Variants in MIPOL1 observed in about 807,000 individuals in gnomAD.
The protein encoded by MIPOL1 is mirror-image polydactyly 1.
A neutral mutation model predicts 60.9 loss-of-function variants in MIPOL1; 57 were observed. That is an observed-to-expected ratio of 0.94 (90% confidence interval 0.76 to 1.17). MIPOL1 has a LOEUF of 1.17. MIPOL1 is among the 50% of genes most tolerant of loss of function. The probability of loss-of-function intolerance (pLI) is 0.00; values close to 1 mark genes in which losing one functional copy is unlikely to be tolerated. For synonymous variants in MIPOL1, 179 were observed against 168.8 expected, an observed-to-expected ratio of 1.06 and a Z score of -0.47; for missense variants, 551 against 511.6, an observed-to-expected ratio of 1.08 and a Z score of -0.74.
At chr14:37,496,175 C>T (rs1473877014) in intron 11 of MIPOL1, among the ~76,000 whole-genome samples, 1 of 150,906 alleles carries the variant, frequency 6.6e-6, no homozygotes, top group Non-Finnish European at 1.5e-5. Flanking sequence ...CTATCTATGA[C>T]AAACCCACAG....
chr14:37,541,729 A>AC (rs2095530487), intron 12 of MIPOL1, among the ~76,000 whole-genome samples: 1 of 152,058 alleles, frequency 6.6e-6, no homozygotes, highest in Non-Finnish European at 1.5e-5. Flanking sequence ...CTTCCTCCAC[A>AC]CCTACAGAAT....
At chr14:37,407,242 TG>T (rs562006521) in intron 10 of MIPOL1, among the ~76,000 whole-genome samples, 54 of 152,104 alleles carry the variant, frequency 3.6e-4, no homozygotes, top group Non-Finnish European at 6.6e-4. Flanking sequence ...TCAGAGAAGT[TG>T]GGAGAGTAGT....
chr14:37,542,706 T>A (rs145615842), intron 12 of MIPOL1, among the ~76,000 whole-genome samples: 64 of 152,324 alleles, frequency 4.2e-4, no homozygotes, highest in African/African-American at 1.4e-3. Context: ...TACCTGTGTT[T>A]ATGTTATAAC....
At chr14:37,523,517 G>A (rs184882151) in intron 12 of MIPOL1, 1 of 426,562 alleles carries the variant, frequency 2.3e-6, no homozygotes, top group Non-Finnish European at 4.1e-6. Context: ...AAAGATGAAA[G>A]AGAAAAATTC....
At chr14:37,339,202 C>T (rs2090402064) in intron 9 of MIPOL1, among the ~76,000 whole-genome samples, 1 of 152,114 alleles carries the variant, frequency 6.6e-6, no homozygotes, top group Non-Finnish European at 1.5e-5. Flanking sequence ...CCAATGACAA[C>T]CTGAAAAGAT....
At chr14:37,416,685 A>G (rs944423642) in intron 10 of MIPOL1, among the ~76,000 whole-genome samples, 4 of 152,172 alleles carry the variant, frequency 2.6e-5, no homozygotes, top group Admixed American at 2.0e-4. Flanking sequence ...ATGATCTATG[A>G]CAAAGAAAAA....
intron 11 of MIPOL1, among the ~76,000 whole-genome samples, chr14:37,451,887 T>G (rs1846449257): frequency 1.4e-5 from 2 of 139,654 alleles, no homozygotes; most frequent in African/African-American, 5.6e-5. Context: ...CAATCTCGGC[T>G]CACTGCAAGC....
intron 12 of MIPOL1, among the ~76,000 whole-genome samples, chr14:37,532,409 T>C (rs749408826): frequency 1.3e-5 from 2 of 152,300 alleles, no homozygotes; most frequent in South Asian, 2.1e-4. Context: ...ACTAACACTT[T>C]AACGCATAAA....
intron 7 of MIPOL1, among the ~76,000 whole-genome samples, chr14:37,297,141 C>T (rs558556814): frequency 1.3e-5 from 2 of 152,286 alleles, no homozygotes; most frequent in East Asian, 3.9e-4. Flanking sequence ...GGATGCAAGG[C>T]TGGTTCAACA....
rs374222610 is a variant in MIPOL1 at position 37,266,990 on chromosome 14, G to A, written c.72G>A (p.Thr24=). Residue 24 remains threonine (T), a synonymous_variant, in exon 4 of 13, where the codon ACG becomes ACA. Coordinates refer to ENST00000684589, the MANE Select transcript of MIPOL1 (RefSeq NM_001388067.1). ...EQETTGINKS[T]QPDEQLTMNS... ...AAACTACGGGGATAAATAAAAGTAC[G>A]CAGCCAGATGAGCAACTGACTATGA... 2.2e-5 allele frequency: 35 copies of A among 1,613,514 alleles called. No homozygotes were observed. The highest frequency in any genetic ancestry group is 9.3e-5 in the African/African-American group (7 of 74,900).
intron 10 of MIPOL1, among the ~76,000 whole-genome samples, chr14:37,405,849 A>G (rs1044854179): frequency 2.3e-4 from 35 of 151,760 alleles, no homozygotes; most frequent in Non-Finnish European, 4.4e-5. Flanking sequence ...CTCCAATTTA[A>G]AAAGTTTCCT....
chr14:37,536,886 G>A (rs2095508635), intron 12 of MIPOL1, among the ~76,000 whole-genome samples: 1 of 152,084 alleles, frequency 6.6e-6, no homozygotes. Flanking sequence ...CCTTGTGTTT[G>A]GGATAGTGGG....
chr14:37,485,690 C>T (rs932026294), intron 11 of MIPOL1, among the ~76,000 whole-genome samples: 35 of 151,788 alleles, frequency 2.3e-4, no homozygotes, highest in Non-Finnish European at 3.7e-4. Flanking sequence ...TTGTTTTTTT[C>T]TTGTAAATTT....
intron 10 of MIPOL1, chr14:37,385,791 G>C (rs551060533): frequency 2.0e-5 from 3 of 151,938 alleles, no homozygotes; most frequent in Non-Finnish European, 4.4e-5. Context: ...TTTTTCCTGT[G>C]CAAATGTATT....
rs963106254 is a variant in MIPOL1 at position 37,499,962 on chromosome 14, C to T, written c.1086C>T (p.Thr362=). Residue 362 remains threonine, a synonymous_variant, in exon 12 of 13, where the codon ACC becomes ACT. Coordinates refer to ENST00000684589, the MANE Select transcript of MIPOL1 (RefSeq NM_001388067.1). ...EENLKDQFNY[T]LSTYEEALKN... ...ATCTGAAGGATCAGTTTAACTATACCCTTAGTACATATGAAGAAGCTTTAA... is the reference window on the plus strand; with the variant it reads ...ATCTGAAGGATCAGTTTAACTATACTCTTAGTACATATGAAGAAGCTTTAA... The T allele has an allele frequency of 6.2e-7, 1 of 1,611,834 alleles. No individual in the cohort carries two copies. Among genetic ancestry groups the T allele is most frequent in the Admixed American group, 1.7e-5 (1 of 59,952 alleles).
intron 10 of MIPOL1, among the ~76,000 whole-genome samples, chr14:37,387,119 C>T (rs1341998096): frequency 6.6e-6 from 1 of 151,752 alleles, no homozygotes; most frequent in Non-Finnish European, 1.5e-5. Flanking sequence ...CAGCTGCAGA[C>T]AGTACCTTAA....
intron 9 of MIPOL1, among the ~76,000 whole-genome samples, chr14:37,319,519 G>A (rs1948365819): frequency 6.6e-6 from 1 of 152,080 alleles, no homozygotes; most frequent in Non-Finnish European, 1.5e-5. Flanking sequence ...TTTATCAAGT[G>A]CCTTGAGTAA....
At chr14:37,334,560 T>C (rs2089972061) in intron 9 of MIPOL1, among the ~76,000 whole-genome samples, 1 of 152,012 alleles carries the variant, frequency 6.6e-6, no homozygotes, top group South Asian at 2.1e-4. Flanking sequence ...TACAATATAA[T>C]ATTTTTCGGT....
intron 9 of MIPOL1, among the ~76,000 whole-genome samples, chr14:37,333,485 A>G (rs1399537085): frequency 6.6e-6 from 1 of 152,112 alleles, no homozygotes; most frequent in Non-Finnish European, 1.5e-5. Flanking sequence ...GTCAGGACTC[A>G]ATTATATATA....
Sources: gnomAD v4.1 joint callset for allele counts (sites outside exome capture counted in the v4.1 genomes callset) on GRCh38, gnomAD v4.1.1 for gene constraint, MANE v1.5 for transcripts, NCBI Gene and HGNC (gene_info 2026-07-23, HGNC 2026-07-21) for gene names.